BACH2: variants seen among roughly 807,000 people sequenced by gnomAD.
BACH2 encodes transcription regulator protein BACH2.
BACH2 carries 5 observed loss-of-function variants against 61.8 expected under a neutral mutation model. The observed-to-expected ratio is 0.08, with a 90% CI of 0.04 to 0.17. BACH2 has a LOEUF of 0.17. Among genes scored for constraint, BACH2 ranks in the 10% least tolerant of loss-of-function variants. The pLI is 1.00. For synonymous variants in BACH2, 446 were observed against 440.1 expected (o/e 1.01, Z -0.17); for missense variants, 824 against 1,091.1 (o/e 0.76, Z 3.45).
At chr6:90,045,036 A>G (rs1312872086) in intron 5 of BACH2, among the ~76,000 whole-genome samples, 1 of 152,208 alleles carries the variant, frequency 6.6e-6, no homozygotes, top group Non-Finnish European at 1.5e-5. Context: ...GAGTAAGCTT[A>G]TGTGGGCTGA....
At chr6:90,242,914 T>A (rs1770500206) in intron 3 of BACH2, among the ~76,000 whole-genome samples, 1 of 151,942 alleles carries the variant, frequency 6.6e-6, no homozygotes, top group Non-Finnish European at 1.5e-5. Context: ...AGTTTAGCTC[T>A]TGTTGCCCAG....
At chr6:90,237,418 T>C (rs1194138392) in intron 3 of BACH2, among the ~76,000 whole-genome samples, 1 of 152,240 alleles carries the variant, frequency 6.6e-6, no homozygotes, top group Non-Finnish European at 1.5e-5. Flanking sequence ...CCCAGTGTAG[T>C]TTTATTTCCT....
chr6:90,114,249 T>C (rs1427904187), intron 4 of BACH2, among the ~76,000 whole-genome samples: 2 of 152,106 alleles, frequency 1.3e-5, no homozygotes, highest in Non-Finnish European at 1.5e-5. Context: ...TTGATGAATA[T>C]CCATGCAAAA....
chr6:90,296,411 C>T (rs989536783), intron 1 of BACH2, 69 bp downstream of exon 1: 3 of 150,694 alleles, frequency 2.0e-5, no homozygotes, highest in Admixed American at 1.3e-4. Flanking sequence ...CGCGCGCCCG[C>T]TCCCCCCGCA....
chr6:90,062,813 C>A, intron 5 of BACH2: 1 of 564,404 alleles, frequency 1.8e-6, no homozygotes, highest in Non-Finnish European at 2.2e-6. Context: ...ACTACTCAAA[C>A]AAAGTCTGAA....
intron 6 of BACH2, among the ~76,000 whole-genome samples, chr6:89,997,864 T>A (rs1456677156): frequency 6.6e-6 from 1 of 152,188 alleles, no homozygotes; most frequent in Non-Finnish European, 1.5e-5. Flanking sequence ...CCTACCCAGT[T>A]CTGGTTGTTA....
intron 2 of BACH2, among the ~76,000 whole-genome samples, chr6:90,268,100 C>T (rs2127879703): frequency 6.6e-6 from 1 of 151,734 alleles, no homozygotes; most frequent in East Asian, 1.9e-4. Context: ...CCTCTGCCTC[C>T]TGGGTTCAGG....
chr6:90,291,923 A>G (rs1772192426), intron 1 of BACH2, among the ~76,000 whole-genome samples: 1 of 152,222 alleles, frequency 6.6e-6, no homozygotes, highest in Non-Finnish European at 1.5e-5. Flanking sequence ...TACCTCTGAC[A>G]GGGTCATATG....
chr6:90,199,792 T>G (rs556287325), intron 4 of BACH2, among the ~76,000 whole-genome samples: 15 of 152,276 alleles, frequency 9.9e-5, no homozygotes, highest in African/African-American at 3.6e-4. Context: ...TGAAGTTTTT[T>G]GAAGAGCTAA....
At chr6:90,044,753 GAA>G (rs1779703463) in intron 5 of BACH2, among the ~76,000 whole-genome samples, 1 of 152,182 alleles carries the variant, frequency 6.6e-6, no homozygotes, top group Non-Finnish European at 1.5e-5. Context: ...TGAGAGAACG[GAA>G]AGAGTTAACG....
At chr6:90,272,436 T>A (rs906640132) in intron 1 of BACH2, among the ~76,000 whole-genome samples, 1 of 152,116 alleles carries the variant, frequency 6.6e-6, no homozygotes, top group Admixed American at 6.6e-5. Context: ...TCCTTGCAGA[T>A]AGCCCCCCAA....
intron 3 of BACH2, among the ~76,000 whole-genome samples, chr6:90,237,876 TG>T (rs1320934821): frequency 6.6e-6 from 1 of 152,140 alleles, no homozygotes; most frequent in Non-Finnish European, 1.5e-5. Context: ...AAGACAACGG[TG>T]GACGAGCAAT....
At position 89,989,559 on chromosome 6, in the gene BACH2, G is replaced by A. The variant is rs996678330; in HGVS notation, c.243+19043C>T. Among the ~76,000 whole-genome samples the A allele has an allele frequency of 2.0e-5, 3 of 152,110 alleles. No individual in the cohort carries two copies. The South Asian group carries it at 6.2e-4, about 32-fold the overall frequency. ...GGGAGTATCCTGGGATATCCTCCGG[G>A]CGTGGAGCATGTTGGCAGCATGCAT... On this transcript the variant is annotated intron_variant, in intron 6 of 8. Coordinates refer to ENST00000257749, the MANE Select transcript of BACH2 (RefSeq NM_021813.4).
At chr6:90,256,342 T>C (rs945581707) in intron 2 of BACH2, among the ~76,000 whole-genome samples, 2 of 152,200 alleles carry the variant, frequency 1.3e-5, no homozygotes, top group African/African-American at 4.8e-5. Flanking sequence ...AGGCCTAATT[T>C]CTATGCTAAT....
At chr6:90,101,554 G>C (rs887964882) in intron 4 of BACH2, among the ~76,000 whole-genome samples, 1 of 152,186 alleles carries the variant, frequency 6.6e-6, no homozygotes, top group Non-Finnish European at 1.5e-5. Flanking sequence ...TACGTGTACT[G>C]TATTCAAGAC....
Position 90,251,999 on chromosome 6 carries a change from A to AT in BACH2, c.-275+513dup, listed in dbSNP as rs894469830. 3.2e-4 allele frequency among the ~76,000 whole-genome samples: 49 copies of AT among 152,046 alleles called. 1 individual carries two copies. The highest frequency in any genetic ancestry group is 8.8e-5 in the Non-Finnish European group (6 of 67,996). ...AGAAGGAAGGAAGAAAGAAAACAAAATTTTTTTTAGAATTGACTATGCTCA... is the reference window on the plus strand; with the variant it reads ...AGAAGGAAGGAAGAAAGAAAACAAAATTTTTTTTTAGAATTGACTATGCTCA... On this transcript the variant is annotated intron_variant, in intron 3 of 8. Coordinates refer to ENST00000257749, the MANE Select transcript of BACH2 (RefSeq NM_021813.4).
In BACH2 at chr6:90,190,195, G is replaced by A. The variant is rs550734377; in HGVS notation, c.-162+16374C>T. Among the ~76,000 whole-genome samples the A allele has an allele frequency of 4.7e-3, 710 of 152,220 alleles. 9 individuals carry two copies. The highest frequency in any genetic ancestry group is 0.016 in the African/African-American group (681 of 41,512). On this transcript the variant is annotated intron_variant, in intron 4 of 8. Coordinates refer to ENST00000257749, the MANE Select transcript of BACH2 (RefSeq NM_021813.4). ...CCTGACCTTGTGATCCGCCCTCCTG[G>A]GCCTCCCAAAGTGGTGGGATTATAG...
Position 90,092,253 on chromosome 6 carries a change from GTC to G in BACH2, c.-161-3146_-161-3145del, listed in dbSNP as rs1294035660. 3.1e-5 allele frequency among the ~76,000 whole-genome samples: 4 copies of G among 129,328 alleles called. No individual in the cohort carries two copies. The East Asian group carries it at 1.1e-3, about 37-fold the overall frequency. 84.8% of individuals were successfully genotyped at this position (129,328 alleles called of 152,430 possible). ...ACTTCTGTTTCAATGCTGAACCAAA[GTC>G]TGTGCAATTGGCACACTGTCAAAGT... On this transcript the variant is annotated intron_variant, in intron 4 of 8. Coordinates refer to ENST00000257749, the MANE Select transcript of BACH2 (RefSeq NM_021813.4).
At chr6:89,968,392 TG>T (rs2128360537) in intron 6 of BACH2, among the ~76,000 whole-genome samples, 1 of 152,356 alleles carries the variant, frequency 6.6e-6, no homozygotes, top group African/African-American at 2.4e-5. Context: ...ACTTCTTACA[TG>T]TCCTCTGCAT....
Sources: gnomAD v4.1 joint callset for allele counts (sites outside exome capture counted in the v4.1 genomes callset) on GRCh38, gnomAD v4.1.1 for gene constraint, MANE v1.5 for transcripts, NCBI Gene and HGNC (gene_info 2026-07-23, HGNC 2026-07-21) for gene names.